Variants in UGT1A7 observed in about 807,000 individuals in gnomAD.
UGT1A7 encodes the protein UDP glucuronosyltransferase family 1 member A7, also known as UDP-glucuronosyltransferase 1A7.
A neutral mutation model predicts 45.6 loss-of-function variants in UGT1A7; 33 were observed. The observed-to-expected ratio is 0.72, with a 90% confidence interval of 0.55 to 0.97. The LOEUF is 0.97. UGT1A7 is among the 50% of genes least tolerant of loss of function. The pLI, the probability that UGT1A7 is intolerant of heterozygous loss-of-function variation, is 0.00. For missense variants in UGT1A7, 684 were observed against 666.2 expected (o/e 1.03, Z -0.29); for synonymous variants, 274 against 250.6 (o/e 1.09, Z -0.88).
intron 1 of UGT1A7, among the ~76,000 whole-genome samples, chr2:233,694,810 G>A (rs147477123): frequency 5.3e-5 from 8 of 152,290 alleles, no homozygotes; most frequent in Admixed American, 1.3e-4. Flanking sequence ...CAGGGATTCT[G>A]GGGCATGAAA....
At chr2:233,766,342 AGTGGCCTGCC>A (rs1699121690) in intron 1 of UGT1A7, among the ~76,000 whole-genome samples, 1 of 152,026 alleles carries the variant, frequency 6.6e-6, no homozygotes, top group Non-Finnish European at 1.5e-5. Flanking sequence ...TCTGCTGGTC[AGTGGCCTGCC>A]GGTGCCTGTT....
At chr2:233,753,850 C>G (rs929195641) in intron 1 of UGT1A7, among the ~76,000 whole-genome samples, 1 of 152,312 alleles carries the variant, frequency 6.6e-6, no homozygotes, top group Non-Finnish European at 1.5e-5. Flanking sequence ...ATATCATTGA[C>G]CAACCACATA....
intron 1 of UGT1A7, among the ~76,000 whole-genome samples, chr2:233,698,748 A>G (rs12988520): frequency 6.6e-6 from 1 of 152,100 alleles, no homozygotes; most frequent in South Asian, 2.1e-4. Flanking sequence ...TTTTTACATA[A>G]TGCTATGATT....
chr2:233,706,580 A>T (rs903868789), intron 1 of UGT1A7, among the ~76,000 whole-genome samples: 5 of 152,102 alleles, frequency 3.3e-5, no homozygotes, highest in African/African-American at 1.2e-4. Context: ...AAGAGTGGAG[A>T]TGGGAGGTGG....
intron 1 of UGT1A7, among the ~76,000 whole-genome samples, chr2:233,741,100 C>A (rs1335319606): frequency 1.3e-5 from 2 of 151,794 alleles, no homozygotes; most frequent in Non-Finnish European, 2.9e-5. Context: ...AGCAAACAGA[C>A]AATCAAGCTT....
chr2:233,741,234 T>C (rs1176985414), intron 1 of UGT1A7, among the ~76,000 whole-genome samples: 1 of 151,886 alleles, frequency 6.6e-6, no homozygotes, highest in Non-Finnish European at 1.5e-5. Flanking sequence ...CCACTACCTC[T>C]GAGTGACACT....
intron 4 of UGT1A7, chr2:233,771,329 T>A (rs751904173): frequency 3.9e-5 from 6 of 152,320 alleles, no homozygotes; most frequent in Middle Eastern, 6.8e-3. Flanking sequence ...TTCAATCTCC[T>A]CTTCATTCCT....
intron 1 of UGT1A7, among the ~76,000 whole-genome samples, chr2:233,684,525 A>T (rs1342289288): frequency 6.6e-6 from 1 of 152,190 alleles, no homozygotes; most frequent in Non-Finnish European, 1.5e-5. Context: ...ATTATATATG[A>T]TTCTATACCA....
chr2:233,772,354 T>A lies in UGT1A7; in HGVS notation c.1388T>A (p.Met463Lys). The change falls in exon 5 of 5, where the codon ATG becomes AAG. Residue 463 changes from methionine (M) to lysine (K), a missense_variant. Coordinates refer to ENST00000373426, the MANE Select transcript of UGT1A7 (RefSeq NM_019077.3). Reference sequence around the variant, plus strand: ...GCCGTGTTCTGGGTGGAGTTTGTGATGAGGCACAAGGGCGCGCCACACCTG... The same window carrying A: ...GCCGTGTTCTGGGTGGAGTTTGTGAAGAGGCACAAGGGCGCGCCACACCTG... ...DLAVFWVEFVMRHKGAPHLRP... is the reference protein window; with the variant it reads ...DLAVFWVEFVKRHKGAPHLRP... 1.2e-6 allele frequency: 2 copies of A among 1,614,252 alleles called. No homozygotes were observed. The highest frequency in any genetic ancestry group is 1.7e-6 in the Non-Finnish European group (2 of 1,180,050).
At position 233,747,675 on chromosome 2, in the gene UGT1A7, T is replaced by A. The variant is rs1693747728; in HGVS notation, c.856-19359T>A. On this transcript the variant is annotated intron_variant, in intron 1 of 4. Transcript: ENST00000373426. ...CGATGTGGTTTTAATAGACCCAATTTACCTCTGTGGGGCAGTGCTGGCTAA... is the reference window on the plus strand; with the variant it reads ...CGATGTGGTTTTAATAGACCCAATTAACCTCTGTGGGGCAGTGCTGGCTAA... The A allele has an allele frequency of 8.1e-6, 13 of 1,605,742 alleles. No homozygotes were observed. The South Asian group carries it at 1.4e-4, about 18-fold the overall frequency.
At chr2:233,741,151 C>T (rs1377389492) in intron 1 of UGT1A7, among the ~76,000 whole-genome samples, 2 of 151,930 alleles carry the variant, frequency 1.3e-5, no homozygotes, top group Admixed American at 6.5e-5. Flanking sequence ...TATGACAGCA[C>T]TAATCCAGGA....
At chr2:233,691,496 G>A (rs1466569117) in intron 1 of UGT1A7, 4 of 985,622 alleles carry the variant, frequency 4.1e-6, no homozygotes, top group Non-Finnish European at 4.8e-6. Context: ...GTGGGAACAG[G>A]AACTCGCGTG....
rs191739325 is a variant in UGT1A7 at position 233,719,507 on chromosome 2, C to T, written c.855+36715C>T. On this transcript the variant is annotated intron_variant, in intron 1 of 4. Coordinates refer to ENST00000373426, the MANE Select transcript of UGT1A7 (RefSeq NM_019077.3). ...CCTACATTTGCCATACTTTTTCTGC[C>T]CCTTATGCAAGTCTTGCCTCTGAGC... 1.6e-4 allele frequency: 265 copies of T among 1,613,148 alleles called. 1 individual carries two copies. Among genetic ancestry groups the T allele is most frequent in the Middle Eastern group, 1.7e-4 (1 of 6,052 alleles).
At chr2:233,760,370 G>A in intron 1 of UGT1A7, 1 of 1,614,148 alleles carries the variant, frequency 6.2e-7, no homozygotes, top group Non-Finnish European at 8.5e-7. Context: ...TCCCATGCTG[G>A]GAAGATACTG....
At position 233,768,314 on chromosome 2, in the gene UGT1A7, G is replaced by T. The variant is rs1430980091; in HGVS notation, c.1170G>T (p.Leu390Phe). The T allele has an allele frequency of 6.2e-7, 1 of 1,614,062 alleles. No individual in the cohort carries two copies. The highest frequency in any genetic ancestry group is 8.5e-7 in the Non-Finnish European group (1 of 1,180,048). Residue 390 changes from leucine (L) to phenylalanine (F), a missense_variant, in exon 4 of 5, where the codon TTG becomes TTT. Leu to Phe is a conservative substitution (Grantham distance 22). Transcript: ENST00000373426. ...CNGVPMVMMP[L>F]FGDQMDNAKR... is the part of the protein sequence containing the mutation. ...GCGTTCCCATGGTGATGATGCCCTT[G>T]TTTGGTGATCAGATGGACAATGCAA...
Position 233,754,476 on chromosome 2 carries a change from C to A in UGT1A7, c.856-12558C>A, listed in dbSNP as rs561719885. 3.5e-4 allele frequency: 124 copies of A among 357,228 alleles called. 1 individual carries two copies. Among genetic ancestry groups the A allele is most frequent in the Admixed American group, 6.4e-4 (17 of 26,454 alleles). The allele number at this position is 357,228 out of a possible 1,614,324, so 22.1% of individuals were successfully genotyped here. A position where few individuals can be genotyped will look rare whatever the true frequency, so the allele number is the denominator to read the frequency against. ...GTACAGCTGTTCTGAAAGTAAAGTT[C>A]ACTTTCAATCCTAAAAAAAGTCCGC... On this transcript the variant is annotated intron_variant, in intron 1 of 4. Coordinates refer to ENST00000373426, the MANE Select transcript of UGT1A7 (RefSeq NM_019077.3).
chr2:233,721,741 A>C, intron 1 of UGT1A7: 1 of 434,764 alleles, frequency 2.3e-6, no homozygotes, highest in Non-Finnish European at 4.6e-6. Context: ...CTTAATGATG[A>C]GAGAATCTAC....
At chr2:233,760,448 GA>G in intron 1 of UGT1A7, 1 of 1,614,238 alleles carries the variant, frequency 6.2e-7, no homozygotes, top group East Asian at 2.2e-5. Context: ...CAGCAGAGGG[GA>G]CATGAAATAG....
intron 1 of UGT1A7, among the ~76,000 whole-genome samples, chr2:233,724,169 C>CA (rs1420710950): frequency 7.9e-6 from 1 of 127,094 alleles, no homozygotes; most frequent in Admixed American, 7.4e-5. Flanking sequence ...GGCTGACCCC[C>CA]CCATCTCCCT....
Sources: gnomAD v4.1 joint callset for allele counts (sites outside exome capture counted in the v4.1 genomes callset) on GRCh38, gnomAD v4.1.1 for gene constraint, MANE v1.5 for transcripts, NCBI Gene and HGNC (gene_info 2026-07-23, HGNC 2026-07-21) for gene names.